SDK2: variants seen among roughly 807,000 people sequenced by gnomAD.
The protein encoded by SDK2 is sidekick cell adhesion molecule 2.
Under a neutral mutation model 253.9 loss-of-function variants are expected in SDK2, and 105 were observed. That is an observed-to-expected ratio of 0.41 (90% CI 0.35 to 0.49). The LOEUF (loss-of-function observed/expected upper bound fraction) is 0.49, where lower values mean the gene tolerates loss of function less well. Ranked by LOEUF, SDK2 falls within the 20% of genes least tolerant of loss-of-function variation. The pLI, the probability that SDK2 is intolerant of heterozygous loss-of-function variation, is 0.06. For missense variants in SDK2, 2,608 were observed against 3,003.0 expected (o/e 0.87, Z 3.07); for synonymous variants, 1,249 against 1,234.9 (o/e 1.01, Z -0.24).
chr17:73,470,044 G>T (rs1275250074), intron 3 of SDK2, among the ~76,000 whole-genome samples: 2 of 123,906 alleles, frequency 1.6e-5, no homozygotes, highest in Admixed American at 1.6e-4. Context: ...AGAGGTTCTG[G>T]CCCACACACA....
rs2062405810 is a variant in SDK2, at chr17:73,338,823, A to T, written c.6283T>A (p.Ser2095Thr). The T allele has an allele frequency of 6.2e-7, 1 of 1,613,758 alleles. No individual in the cohort carries two copies. Among genetic ancestry groups the T allele is most frequent in the African/African-American group, 1.3e-5 (1 of 74,868 alleles). The change falls in exon 45 of 45, where the codon TCG (serine) becomes ACG (threonine). Residue 2095 changes from serine (S) to threonine (T), a missense_variant. By Grantham distance (58) the Ser-to-Thr change is moderately conservative (BLOSUM62 1). Around this residue, in one of 2 missense-constraint regions of SDK2, gnomAD observed 1,103 missense variants for 1,143.9 expected, o/e 0.96. Coordinates refer to ENST00000392650, the MANE Select transcript of SDK2 (RefSeq NM_001144952.2). This position sits in a 1 kb window ranked among gnomAD's most constrained non-coding sequence, Gnocchi z 5.0. ...NSWRRQQKGI[S>T]RAQAYSYTES... ...GTGTAGCTGTAGGCCTGTGCCCTCGAGATGCCCTTCTGCTGTCGCCGCCAC... is the reference window on the plus strand; with the variant it reads ...GTGTAGCTGTAGGCCTGTGCCCTCGTGATGCCCTTCTGCTGTCGCCGCCAC...
Position 73,377,279 on chromosome 17 carries a change from C to CA in SDK2, c.4980+1897dup, listed in dbSNP as rs2062790426. On this transcript the variant is annotated intron_variant, in intron 36 of 44. Coordinates refer to ENST00000392650, the MANE Select transcript of SDK2 (RefSeq NM_001144952.2). Reference sequence around the variant, plus strand: ...TGTTGTCCAGGCTGGAGTGCAGTGACACGGTCTTGGCTCACTGCAACCTCT... The same window carrying CA: ...TGTTGTCCAGGCTGGAGTGCAGTGACAACGGTCTTGGCTCACTGCAACCTCT... 3.4e-5 allele frequency among the ~76,000 whole-genome samples: 5 copies of CA among 148,268 alleles called. No homozygotes were observed. In the Admixed American group the frequency reaches 3.4e-4, roughly 10 times the overall value.
intron 18 of SDK2, among the ~76,000 whole-genome samples, chr17:73,406,138 T>G (rs1178611290): frequency 6.6e-6 from 1 of 152,180 alleles, no homozygotes; most frequent in Non-Finnish European, 1.5e-5. Context: ...CAAAAAACTC[T>G]GTGCATGTTT....
intron 36 of SDK2, among the ~76,000 whole-genome samples, chr17:73,377,589 G>T (rs539228406): frequency 5.3e-5 from 8 of 151,496 alleles, no homozygotes; most frequent in African/African-American, 1.2e-4. Context: ...CACCCCTCGG[G>T]GGGTGAGAGC....
intron 1 of SDK2, among the ~76,000 whole-genome samples, chr17:73,546,293 T>A (rs143888919): frequency 2.0e-3 from 298 of 152,334 alleles, no homozygotes; most frequent in African/African-American, 6.2e-3. Flanking sequence ...AGCTGACACG[T>A]CTGTGAACAT....
chr17:73,407,507 A>G (rs2145547541), intron 18 of SDK2, among the ~76,000 whole-genome samples: 1 of 152,332 alleles, frequency 6.6e-6, no homozygotes, highest in Middle Eastern at 3.4e-3. Flanking sequence ...ACCAAACCCA[A>G]AACAAAACAG....
intron 3 of SDK2, among the ~76,000 whole-genome samples, chr17:73,466,749 G>T (rs1361624935): frequency 7.1e-6 from 1 of 140,724 alleles, no homozygotes; most frequent in Non-Finnish European, 1.5e-5. Flanking sequence ...TGCATCTTTG[G>T]GGGGCTCTGG....
chr17:73,640,211 G>A (rs2046380948), intron 1 of SDK2, among the ~76,000 whole-genome samples: 1 of 151,694 alleles, frequency 6.6e-6, no homozygotes. Flanking sequence ...ACGAGGAAGA[G>A]GCAGTCGATA....
At chr17:73,404,761 C>T (rs2063057137) in intron 18 of SDK2, among the ~76,000 whole-genome samples, 1 of 152,160 alleles carries the variant, frequency 6.6e-6, no homozygotes, top group South Asian at 2.1e-4. Flanking sequence ...TCTAAGTAGA[C>T]GGGGCTCCCC....
At chr17:73,483,359 C>G (rs1195589449) in intron 2 of SDK2, among the ~76,000 whole-genome samples, 5 of 132,140 alleles carry the variant, frequency 3.8e-5, no homozygotes, top group African/African-American at 1.5e-4. Context: ...TTTGCTCAGG[C>G]TAAAGTGCAG....
chr17:73,622,795 C>T (rs1053072744), intron 1 of SDK2, among the ~76,000 whole-genome samples: 13 of 152,230 alleles, frequency 8.5e-5, no homozygotes, highest in African/African-American at 9.7e-5. Context: ...TGCCTGCATG[C>T]GCATGATTGG....
chr17:73,339,213 G>GTTTTTTTTGTTTTTTTTTTTTTTTTTT lies in SDK2; in HGVS notation c.6166-274_6166-273insAAAAAAAAAAAAAAAAAACAAAAAAAA, dbSNP rs1568356151. Reference sequence around the variant, plus strand: ...TACCTGATAGAATCAGAAGACCTGAGTTTTTTTTTGTTTTTGTTTTTGTTT... The same window carrying GTTTTTTTTGTTTTTTTTTTTTTTTTTT: ...TACCTGATAGAATCAGAAGACCTGAGTTTTTTTTGTTTTTTTTTTTTTTTTTTTTTTTTTTTGTTTTTGTTTTTGTTT... On this transcript the variant is annotated intron_variant, in intron 44 of 44. Transcript: ENST00000392650. Among the ~76,000 whole-genome samples, 3 of 127,610 alleles carry GTTTTTTTTGTTTTTTTTTTTTTTTTTT rather than the reference G, an allele frequency of 2.4e-5. 1 individual carries two copies. The highest frequency in any genetic ancestry group is 3.4e-5 in the Non-Finnish European group (2 of 58,738). The allele number at this position is 127,610 out of a possible 152,430, so 83.7% of individuals were successfully genotyped here.
At chr17:73,452,067 C>T (rs1400612728) in intron 4 of SDK2, among the ~76,000 whole-genome samples, 2 of 152,094 alleles carry the variant, frequency 1.3e-5, no homozygotes, top group Non-Finnish European at 2.9e-5. Context: ...CCATTTTTCT[C>T]AGCTCCCTGC....
At chr17:73,562,404 G>T (rs1184001837) in intron 1 of SDK2, among the ~76,000 whole-genome samples, 1 of 152,124 alleles carries the variant, frequency 6.6e-6, no homozygotes, top group Admixed American at 6.5e-5. Flanking sequence ...TTTTGGGCTT[G>T]GTCTTGTATC....
chr17:73,357,609 G>A, intron 40 of SDK2: 1 of 284,068 alleles, frequency 3.5e-6, no homozygotes, highest in South Asian at 3.1e-5. Context: ...ATCTCCTGAT[G>A]GCTTTGGAAG....
chr17:73,368,738 G>C, intron 36 of SDK2, 145 bp from the exon 37 acceptor site: 1 of 682,080 alleles, frequency 1.5e-6, no homozygotes, highest in Non-Finnish European at 2.3e-6. Flanking sequence ...GGCCGGGTGC[G>C]GTGGCTCACA....
chr17:73,369,234 C>T (rs2062714037), intron 36 of SDK2: 3 of 464,156 alleles, frequency 6.5e-6, no homozygotes, highest in Admixed American at 4.7e-5. Flanking sequence ...GGAGGCTGAG[C>T]TGGGGAGATA....
intron 1 of SDK2, among the ~76,000 whole-genome samples, chr17:73,601,689 A>C (rs1167849173): frequency 6.6e-6 from 1 of 152,022 alleles, no homozygotes; most frequent in Non-Finnish European, 1.5e-5. Flanking sequence ...AGTCTCCAGA[A>C]GGAACCAACC....
intron 1 of SDK2, among the ~76,000 whole-genome samples, chr17:73,554,337 G>C (rs1329063604): frequency 1.3e-5 from 2 of 152,124 alleles, no homozygotes; most frequent in Non-Finnish European, 2.9e-5. Context: ...CCTAAGCCAC[G>C]GTACCTCAGA....
Sources: allele counts gnomAD v4.1 joint callset (sites outside exome capture counted in the v4.1 genomes callset), GRCh38; gene constraint gnomAD v4.1.1; regional missense constraint gnomAD v4.1.1; non-coding constraint Gnocchi (gnomAD v3.1); transcripts MANE v1.5; gene names NCBI Gene and HGNC (gene_info 2026-07-23, HGNC 2026-07-21).